Variants in RGS6 observed in about 807,000 individuals in gnomAD.
The protein encoded by RGS6 is regulator of G-protein signaling 6.
RGS6 carries 30 observed loss-of-function variants against 78.5 expected under a neutral mutation model. The ratio of observed to expected loss-of-function variants is 0.38; its 90% CI spans 0.29 to 0.52. The LOEUF is 0.52. RGS6 is among the 20% of genes least tolerant of loss of function. The probability of loss-of-function intolerance (pLI) is 0.85; values close to 1 mark genes in which losing one functional copy is unlikely to be tolerated. For synonymous variants in RGS6, 206 were observed against 206.0 expected, an observed-to-expected ratio of 1.00 and a Z score of 0.00; for missense variants, 495 against 609.7, an observed-to-expected ratio of 0.81 and a Z score of 1.98.
chr14:72,205,943 A>G (rs2042602389), intron 2 of RGS6, among the ~76,000 whole-genome samples: 1 of 152,232 alleles, frequency 6.6e-6, no homozygotes, highest in East Asian at 1.9e-4. Context: ...GCCTCTAGGC[A>G]AGCAATTTTG....
rs377749309 is a variant in RGS6 at position 72,050,211 on chromosome 14, C to T, written c.84+85336C>T. Among the ~76,000 whole-genome samples the T allele has an allele frequency of 1.8e-4, 28 of 152,318 alleles. No individual in the cohort carries two copies. In the South Asian group the frequency reaches 2.9e-3, roughly 16 times the overall value. ...GAAAAAAGAATACATTGGAACTTGA[C>T]GCTTACAGCTAGTATGGTGACAACG... On this transcript the variant is annotated intron_variant, in intron 2 of 17. Coordinates refer to ENST00000553525, the MANE Select transcript of RGS6 (RefSeq NM_001204424.2).
At chr14:72,323,309 A>T (rs2072631396) in intron 2 of RGS6, among the ~76,000 whole-genome samples, 1 of 152,138 alleles carries the variant, frequency 6.6e-6, no homozygotes, top group African/African-American at 2.4e-5. Context: ...ATGTGCCCAA[A>T]TTACACAAAT....
rs191212561 is a variant in RGS6, at chr14:72,182,753, G to A, written c.85-169342G>A. 1.3e-3 allele frequency among the ~76,000 whole-genome samples: 201 copies of A among 152,322 alleles called. 1 individual carries two copies. Among genetic ancestry groups the A allele is most frequent in the African/African-American group, 4.6e-3 (190 of 41,580 alleles). On this transcript the variant is annotated intron_variant, in intron 2 of 17. Coordinates refer to ENST00000553525, the MANE Select transcript of RGS6 (RefSeq NM_001204424.2). ...GAGCTCAGCAGCAAGTTTCTAGTAG[G>A]TAAGAGGGAAAATCCATTGTGGGGA... is the stretch of plus-strand genomic sequence containing the variant.
rs922239234 is a variant in RGS6, at chr14:71,980,780, C to G, written c.84+15905C>G. Among the ~76,000 whole-genome samples the G allele has an allele frequency of 2.3e-4, 20 of 87,576 alleles. 1 individual carries two copies. The highest frequency in any genetic ancestry group is 8.3e-4 in the African/African-American group (19 of 22,846). The allele number at this position is 87,576 out of a possible 152,430, so 57.5% of individuals were successfully genotyped here. ...TCGAGGAGTATCTTTGTGGCGTTCTCTGTATTTCCTGAATCTGAAAGTTGG... is the reference window on the plus strand; with the variant it reads ...TCGAGGAGTATCTTTGTGGCGTTCTGTGTATTTCCTGAATCTGAAAGTTGG... On this transcript the variant is annotated intron_variant, in intron 2 of 17. Transcript: ENST00000553525.
intron 3 of RGS6, among the ~76,000 whole-genome samples, chr14:72,427,945 A>C (rs1162992552): frequency 6.6e-6 from 1 of 152,142 alleles, no homozygotes; most frequent in Non-Finnish European, 1.5e-5. Flanking sequence ...AGCAAGAAAG[A>C]TGCTCATTTT....
the RGS6 span, among the ~76,000 whole-genome samples, chr14:71,921,480 C>A: frequency 1.3e-5 from 2 of 152,200 alleles, no homozygotes; most frequent in Admixed American, 1.3e-4. Context: ...ACATGTCTAC[C>A]GATGGATGAA....
chr14:72,087,685 G>A (rs1221871773), intron 2 of RGS6, among the ~76,000 whole-genome samples: 1 of 151,856 alleles, frequency 6.6e-6, no homozygotes, highest in Non-Finnish European at 1.5e-5. Flanking sequence ...TATAGTTGGG[G>A]TGAGGTGAGC....
At chr14:72,256,940 C>T (rs2057206866) in intron 2 of RGS6, among the ~76,000 whole-genome samples, 1 of 152,162 alleles carries the variant, frequency 6.6e-6, no homozygotes, top group Non-Finnish European at 1.5e-5. Context: ...CAGTAATCCT[C>T]TGAAATATGT....
intron 2 of RGS6, among the ~76,000 whole-genome samples, chr14:72,237,103 A>G (rs1228681733): frequency 6.6e-6 from 1 of 152,228 alleles, no homozygotes; most frequent in African/African-American, 2.4e-5. Flanking sequence ...TACATGCAAT[A>G]CATACTACTT....
the RGS6 span, among the ~76,000 whole-genome samples, chr14:71,907,713 G>A: frequency 3.9e-4 from 60 of 152,266 alleles, 1 homozygote; most frequent in Non-Finnish European, 6.8e-4. Flanking sequence ...GGAAGAGCAG[G>A]CAGGAGGGTT....
chr14:72,629,492 C>A, the RGS6 span: 2 of 739,136 alleles, frequency 2.7e-6, no homozygotes, highest in Non-Finnish European at 4.4e-6. Context: ...GGGCTAATGG[C>A]CAGGTTGCTC....
intron 2 of RGS6, among the ~76,000 whole-genome samples, chr14:72,215,917 A>T (rs2045448875): frequency 6.6e-6 from 1 of 152,226 alleles, no homozygotes; most frequent in Non-Finnish European, 1.5e-5. Context: ...TTTATTCCTA[A>T]TTAGATGGGG....
chr14:72,397,753 A>T (rs571868317), intron 3 of RGS6, among the ~76,000 whole-genome samples: 1 of 152,172 alleles, frequency 6.6e-6, no homozygotes, highest in East Asian at 1.9e-4. Context: ...AGAGTTTTTT[A>T]GCATGAAGCG....
chr14:72,297,020 T>A (rs1466773403), intron 2 of RGS6, among the ~76,000 whole-genome samples: 1 of 152,218 alleles, frequency 6.6e-6, no homozygotes, highest in Non-Finnish European at 1.5e-5. Context: ...CCAGCTCAAT[T>A]TCTTGAAAAG....
At chr14:72,170,895 G>C (rs144010065) in intron 2 of RGS6, among the ~76,000 whole-genome samples, 2 of 152,146 alleles carry the variant, frequency 1.3e-5, no homozygotes, top group Middle Eastern at 3.4e-3. Flanking sequence ...AGTTATTGGG[G>C]GTGCATTTGT....
At chr14:72,217,084 A>G (rs2045760193) in intron 2 of RGS6, among the ~76,000 whole-genome samples, 1 of 152,172 alleles carries the variant, frequency 6.6e-6, no homozygotes, top group African/African-American at 2.4e-5. Flanking sequence ...TCAGGGGGCT[A>G]GCGGTAGACC....
chr14:72,482,379 C>G (rs1218729197), intron 12 of RGS6, among the ~76,000 whole-genome samples: 1 of 152,142 alleles, frequency 6.6e-6, no homozygotes, highest in East Asian at 1.9e-4. Context: ...CCCTTCCCCC[C>G]AACACCCAAC....
chr14:72,144,625 C>T (rs535791561), intron 2 of RGS6, among the ~76,000 whole-genome samples: 8 of 152,328 alleles, frequency 5.3e-5, no homozygotes, highest in African/African-American at 1.9e-4. Flanking sequence ...TTCATCCACT[C>T]AGCTAATATT....
At chr14:72,052,925 T>TTTTCCTTCTTTC (rs2093341059) in intron 2 of RGS6, among the ~76,000 whole-genome samples, 1 of 120,330 alleles carries the variant, frequency 8.3e-6, no homozygotes, top group Admixed American at 8.3e-5. Context: ...TTCATTGTAT[T>TTTTCCTTCTTTC]TTTCTTTCTT....
Sources: allele counts gnomAD v4.1 joint callset (sites outside exome capture counted in the v4.1 genomes callset), GRCh38; gene constraint gnomAD v4.1.1; transcripts MANE v1.5; gene names NCBI Gene and HGNC (gene_info 2026-07-23, HGNC 2026-07-21).